Variants in THSD4 observed in about 807,000 individuals in gnomAD.
THSD4 encodes thrombospondin type 1 domain containing 4, also known as thrombospondin type-1 domain-containing protein 4.
A neutral mutation model predicts 119.0 loss-of-function variants in THSD4; 69 were observed. That is an observed-to-expected ratio of 0.58 (90% CI 0.48 to 0.71). THSD4 has a LOEUF of 0.71. THSD4 is among the 30% of genes least tolerant of loss of function. The probability of loss-of-function intolerance (pLI) is 0.00; values close to 1 mark genes in which losing one functional copy is unlikely to be tolerated. For synonymous variants in THSD4, 524 were observed against 540.4 expected, an observed-to-expected ratio of 0.97 and a Z score of 0.42; for missense variants, 1,393 against 1,391.1, an observed-to-expected ratio of 1.00 and a Z score of -0.02.
chr15:71,231,258 G>A (rs1039134184), intron 4 of THSD4, among the ~76,000 whole-genome samples: 9 of 152,266 alleles, frequency 5.9e-5, no homozygotes, highest in Non-Finnish European at 1.0e-4. Flanking sequence ...TCCTGGGGTC[G>A]TTTCCCCCAG....
chr15:71,630,484 T>C (rs986093174), intron 7 of THSD4, among the ~76,000 whole-genome samples: 2 of 152,182 alleles, frequency 1.3e-5, no homozygotes, highest in Non-Finnish European at 2.9e-5. Context: ...TTTCTTTATA[T>C]AATTAAAGAG....
intron 6 of THSD4, among the ~76,000 whole-genome samples, chr15:71,285,308 T>C (rs2044701645): frequency 6.6e-6 from 1 of 152,216 alleles, no homozygotes; most frequent in Non-Finnish European, 1.5e-5. Flanking sequence ...CCTGTGACTA[T>C]TCCTTCACTT....
rs139122668 is a variant in THSD4, at chr15:71,317,850, A to G, written c.1015+61135A>G. On this transcript the variant is annotated intron_variant, in intron 6 of 17. Coordinates refer to ENST00000261862, the MANE Select transcript of THSD4 (RefSeq NM_024817.3). ...ATCTGTAAACATGGAGAAATTCATA[A>G]TACCTACCTTCATAGAATTCTCATG... is the stretch of plus-strand genomic sequence containing the variant. Among the ~76,000 whole-genome samples the G allele has an allele frequency of 9.2e-5, 14 of 152,352 alleles. No individual in the cohort carries two copies. In the East Asian group the frequency reaches 2.5e-3, roughly 27 times the overall value.
rs1214965222 is a variant in THSD4, at chr15:71,256,707, T to A, written c.1007T>A (p.Phe336Tyr). ...GGCCGGTTTTATGAGTGGGAACCAT[T>A]TGCAGAAGGTAAGAATAGACCCAGC... ...FMGRFYEWEP[F>Y]AEVKGNRKCE... is the part of the protein sequence containing the mutation. Residue 336 changes from phenylalanine to tyrosine, a missense_variant, in exon 6 of 18, where the codon TTT (phenylalanine) becomes TAT (tyrosine). Transcript: ENST00000261862. 6.2e-7 allele frequency: 1 copy of A among 1,613,710 alleles called. No homozygotes were observed.
rs12914419 is a variant in THSD4, at chr15:71,215,264, C to G, written c.329C>G (p.Thr110Arg). 3 of 1,506,858 alleles carry G rather than the reference C, an allele frequency of 2.0e-6. No homozygotes were observed. The highest frequency in any genetic ancestry group is 2.6e-6 in the Non-Finnish European group (3 of 1,133,796). The allele number at this position is 1,506,858 out of a possible 1,614,324, so 93.3% of individuals were successfully genotyped here. A position where few individuals can be genotyped will look rare whatever the true frequency, so the allele number is the denominator to read the frequency against. The part of the protein sequence containing the change: ...FADHVVSAVR[T>R]SVPLHRSRDE... ...GACCACGTGGTGTCGGCGGTGCGCA[C>G]GTCGGTGCCACTGCACCGGAGCCGC... Residue 110 changes from threonine to arginine, a missense_variant, in exon 4 of 18, where the codon ACG (threonine) becomes AGG (arginine). Thr to Arg is a moderately conservative substitution (Grantham distance 71, BLOSUM62 -1). Coordinates refer to ENST00000261862, the MANE Select transcript of THSD4 (RefSeq NM_024817.3).
intron 2 of THSD4, among the ~76,000 whole-genome samples, chr15:71,144,255 C>T (rs1188087990): frequency 6.6e-6 from 1 of 152,152 alleles, no homozygotes; most frequent in African/African-American, 2.4e-5. Context: ...GCACATCAAC[C>T]ATTTTGCATC....
intron 4 of THSD4, among the ~76,000 whole-genome samples, chr15:71,217,591 C>G (rs990982905): frequency 6.6e-6 from 1 of 151,228 alleles, no homozygotes; most frequent in Admixed American, 6.6e-5. Flanking sequence ...CCACTGTACT[C>G]CAGCCTGGGC....
chr15:71,310,895 G>T lies in THSD4; in HGVS notation c.1015+54180G>T, dbSNP rs28464891. On this transcript the variant is annotated intron_variant, in intron 6 of 17. Coordinates refer to ENST00000261862, the MANE Select transcript of THSD4 (RefSeq NM_024817.3). ...TCAAAGAAAACCTTTTACTTCTGAGGCCTTCGTTTTGGGGTGTTGTTTACT... is the reference window on the plus strand; with the variant it reads ...TCAAAGAAAACCTTTTACTTCTGAGTCCTTCGTTTTGGGGTGTTGTTTACT... Among the ~76,000 whole-genome samples, 239 of 152,228 alleles carry T rather than the reference G, an allele frequency of 1.6e-3. 2 individuals carry two copies. The Middle Eastern group carries it at 0.027, about 17-fold the overall frequency.
intron 4 of THSD4, among the ~76,000 whole-genome samples, chr15:71,219,827 C>T (rs1596275752): frequency 1.3e-5 from 2 of 152,158 alleles, no homozygotes. Flanking sequence ...GAAGCAACAG[C>T]ACTAGAATTC....
intron 7 of THSD4, among the ~76,000 whole-genome samples, chr15:71,595,569 T>C (rs1427099645): frequency 6.6e-6 from 1 of 151,764 alleles, no homozygotes; most frequent in Non-Finnish European, 1.5e-5. Context: ...CAAATGTCTT[T>C]ATCAGCAGCT....
intron 3 of THSD4, among the ~76,000 whole-genome samples, chr15:71,168,653 C>T (rs2043319533): frequency 6.6e-6 from 1 of 152,044 alleles, no homozygotes; most frequent in Non-Finnish European, 1.5e-5. Context: ...AAGCAGGTCA[C>T]GATGCAAACA....
At chr15:71,109,029 A>G (rs998799403) in intron 1 of THSD4, among the ~76,000 whole-genome samples, 31 of 152,072 alleles carry the variant, frequency 2.0e-4, no homozygotes, top group African/African-American at 7.3e-4. Flanking sequence ...CAAACAAAAA[A>G]ACAAAAAGAG....
chr15:71,121,232 G>C (rs888463543), intron 1 of THSD4, among the ~76,000 whole-genome samples: 1 of 152,204 alleles, frequency 6.6e-6, no homozygotes, highest in Non-Finnish European at 1.5e-5. Context: ...TCCTGAGTTT[G>C]AGCCTTGGCT....
chr15:71,608,920 G>T (rs974221600), intron 7 of THSD4, among the ~76,000 whole-genome samples: 1 of 152,216 alleles, frequency 6.6e-6, no homozygotes, highest in Non-Finnish European at 1.5e-5. Context: ...TAGTAAGGCG[G>T]TCAGAACCAA....
chr15:71,201,207 G>T (rs901559985), intron 3 of THSD4, among the ~76,000 whole-genome samples: 2 of 151,958 alleles, frequency 1.3e-5, no homozygotes, highest in African/African-American at 4.8e-5. Context: ...ACCCCGTGTT[G>T]TAGAAGAAAG....
rs113030194 is a variant in THSD4 at position 71,664,208 on chromosome 15, T to C, written c.1357+3474T>C. ...CGTGTTAGCCAGGATGGTCTCGATC[T>C]CCTGACCTCGTGATCCGCCCGCCTC... On this transcript the variant is annotated intron_variant, in intron 8 of 17. Transcript: ENST00000261862. Among the ~76,000 whole-genome samples the C allele has an allele frequency of 7.4e-3, 1,126 of 152,032 alleles. 13 individuals are homozygous for C. Among genetic ancestry groups the C allele is most frequent in the African/African-American group, 0.026 (1,066 of 41,452 alleles).
At chr15:71,330,969 G>A (rs908622341) in intron 6 of THSD4, among the ~76,000 whole-genome samples, 4 of 152,236 alleles carry the variant, frequency 2.6e-5, no homozygotes, top group African/African-American at 7.2e-5. Flanking sequence ...CCTTGTCGAG[G>A]AAGGAGGGAG....
At chr15:71,765,662 G>A (rs1372214415) in intron 16 of THSD4, among the ~76,000 whole-genome samples, 1 of 152,208 alleles carries the variant, frequency 6.6e-6, no homozygotes, top group Non-Finnish European at 1.5e-5. Context: ...CAATACTTTG[G>A]GAGGCCAAGG....
chr15:71,483,761 C>T (rs566888579), intron 7 of THSD4, among the ~76,000 whole-genome samples: 4 of 150,668 alleles, frequency 2.7e-5, no homozygotes, highest in South Asian at 2.1e-4. Context: ...CACCCTCCCC[C>T]GACAGACCCC....
Sources: gnomAD v4.1 joint callset for allele counts (sites outside exome capture counted in the v4.1 genomes callset) on GRCh38, gnomAD v4.1.1 for gene constraint, MANE v1.5 for transcripts, NCBI Gene and HGNC (gene_info 2026-07-23, HGNC 2026-07-21) for gene names.